APBB2: variants seen among roughly 807,000 people sequenced by gnomAD.
APBB2 encodes the protein Fe65-like 1.
Under a neutral mutation model 82.5 loss-of-function variants are expected in APBB2, and 38 were observed. That is an observed-to-expected ratio of 0.46 (90% CI 0.36 to 0.60). The LOEUF (loss-of-function observed/expected upper bound fraction) is 0.60. APBB2 is among the 20% of genes least tolerant of loss of function. The pLI is 0.00. For missense variants in APBB2, 772 were observed against 972.3 expected (o/e 0.79, Z 2.74); for synonymous variants, 341 against 368.2 (o/e 0.93, Z 0.85).
intron 3 of APBB2, among the ~76,000 whole-genome samples, chr4:41,087,844 A>G (rs1406805887): frequency 2.0e-5 from 3 of 152,200 alleles, no homozygotes; most frequent in Non-Finnish European, 2.9e-5. Context: ...ATCATCAGAA[A>G]ACAATTCTGC....
intron 3 of APBB2, among the ~76,000 whole-genome samples, chr4:41,077,008 AT>A (rs35092142): frequency 0.99 from 142,955 of 144,856 alleles, 70,537 homozygotes; most frequent in Middle Eastern, 1. Context: ...AAAAATCAGG[AT>A]TTTTTTTTTT....
At position 40,982,277 on chromosome 4, in the gene APBB2, AGAAAGAAG is replaced by A. The variant is rs1217066505; in HGVS notation, c.835+31298_835+31305del. Among the ~76,000 whole-genome samples, 35 of 25,710 alleles carry A rather than the reference AGAAAGAAG, an allele frequency of 1.4e-3. 2 individuals carry two copies. The highest frequency in any genetic ancestry group is 1.7e-3 in the Non-Finnish European group (22 of 12,736). The allele number at this position is 25,710 out of a possible 152,430, so 16.9% of individuals were successfully genotyped here. ...AAGAAAGAAAGAAAGAAAGAAAGAAAGAAAGAAGGAAGGAAGGAAGGAAGGAAGGAAAG... is the reference window on the plus strand; with the variant it reads ...AAGAAAGAAAGAAAGAAAGAAAGAAAGAAGGAAGGAAGGAAGGAAGGAAAG... On this transcript the variant is annotated intron_variant, in intron 6 of 17. Transcript: ENST00000508593.
At chr4:40,834,055 C>T (rs1752992590) in intron 12 of APBB2, among the ~76,000 whole-genome samples, 1 of 152,168 alleles carries the variant, frequency 6.6e-6, no homozygotes, top group South Asian at 2.1e-4. Flanking sequence ...ATCTGGAACC[C>T]ACAGCTTCCC....
chr4:40,965,536 C>A (rs1442881092), intron 6 of APBB2, among the ~76,000 whole-genome samples: 2 of 151,974 alleles, frequency 1.3e-5, no homozygotes, highest in African/African-American at 2.4e-5. Context: ...ATAAAACGCA[C>A]ATGAATTTGG....
Position 40,994,643 on chromosome 4 carries a change from T to C in APBB2, c.835+18940A>G, listed in dbSNP as rs186294027. On this transcript the variant is annotated intron_variant, in intron 6 of 17. Coordinates refer to ENST00000508593, the MANE Select transcript of APBB2 (RefSeq NM_004307.2). Reference sequence around the variant, plus strand: ...TCCTGGCTAACATGGTGAAACCCCATCTCTACTAAAAATACAAAATATTAG... The same window carrying C: ...TCCTGGCTAACATGGTGAAACCCCACCTCTACTAAAAATACAAAATATTAG... Among the ~76,000 whole-genome samples, 356 of 151,808 alleles carry C rather than the reference T, an allele frequency of 2.3e-3. 2 individuals are homozygous for C. The highest frequency in any genetic ancestry group is 4.0e-3 in the Non-Finnish European group (272 of 67,942).
intron 1 of APBB2, among the ~76,000 whole-genome samples, chr4:41,143,479 G>A (rs1209433399): frequency 6.6e-6 from 1 of 152,238 alleles, no homozygotes; most frequent in Non-Finnish European, 1.5e-5. Context: ...AAAACCACAG[G>A]AATGTTCTGG....
chr4:41,021,772 C>A (rs183249297), intron 5 of APBB2, among the ~76,000 whole-genome samples: 1 of 152,168 alleles, frequency 6.6e-6, no homozygotes, highest in African/African-American at 2.4e-5. Flanking sequence ...TCACTCTTCA[C>A]AATAAATCTT....
intron 2 of APBB2, among the ~76,000 whole-genome samples, chr4:41,117,458 A>G (rs1751420952): frequency 6.6e-6 from 1 of 151,774 alleles, no homozygotes; most frequent in Admixed American, 6.6e-5. Context: ...ACGCCCAGCT[A>G]ATTTTTGTAT....
chr4:41,092,708 A>G (rs1742193488), intron 3 of APBB2, among the ~76,000 whole-genome samples: 2 of 149,268 alleles, frequency 1.3e-5, no homozygotes, highest in African/African-American at 5.0e-5. Flanking sequence ...AAAAAAAAGT[A>G]CTTGGTCTGA....
intron 1 of APBB2, among the ~76,000 whole-genome samples, chr4:41,158,968 T>A (rs758344715): frequency 2.6e-5 from 4 of 152,128 alleles, no homozygotes; most frequent in African/African-American, 4.8e-5. Context: ...GGCTCAGGAA[T>A]CCCGGACACA....
intron 13 of APBB2, 79 bp downstream of exon 13, chr4:40,830,384 A>C: frequency 3.1e-6 from 3 of 958,166 alleles, no homozygotes; most frequent in Non-Finnish European, 3.4e-6. Context: ...TGATGTGCCC[A>C]CTCCCCCGCC....
At chr4:41,002,645 C>G (rs1805556491) in intron 6 of APBB2, among the ~76,000 whole-genome samples, 1 of 152,220 alleles carries the variant, frequency 6.6e-6, no homozygotes, top group Non-Finnish European at 1.5e-5. Context: ...GGCATTTGAG[C>G]TCAGCATTGT....
rs941799131 is a variant in APBB2 at position 41,207,161 on chromosome 4, T to C, written c.-417+7244A>G. 4.9e-5 allele frequency among the ~76,000 whole-genome samples: 6 copies of C among 122,148 alleles called. 1 individual carries two copies. Among genetic ancestry groups the C allele is most frequent in the Non-Finnish European group, 7.9e-5 (5 of 63,668 alleles). The allele number at this position is 122,148 out of a possible 152,430, so 80.1% of individuals were successfully genotyped here. ...TTGCAGTGAGCCGAGATTAAGCCAC[T>C]GCATTCCAGCCTGGGCGACCAAGTG... is the stretch of plus-strand genomic sequence containing the variant. On this transcript the variant is annotated intron_variant, in intron 1 of 17. Coordinates refer to ENST00000508593, the MANE Select transcript of APBB2 (RefSeq NM_004307.2).
intron 6 of APBB2, among the ~76,000 whole-genome samples, chr4:41,008,253 A>T (rs951643010): frequency 6.6e-6 from 1 of 152,168 alleles, no homozygotes; most frequent in Non-Finnish European, 1.5e-5. Flanking sequence ...CACATTGTAA[A>T]CCCACAGAAT....
chr4:40,961,436 T>A (rs980871035), intron 6 of APBB2, among the ~76,000 whole-genome samples: 1 of 130,912 alleles, frequency 7.6e-6, no homozygotes, highest in Non-Finnish European at 1.5e-5. Flanking sequence ...TAGGTGGGAA[T>A]TGAACAATGA....
At chr4:40,827,359 ATCTCT>A in intron 13 of APBB2, 140 bp from the exon 14 acceptor site, 1 of 639,428 alleles carries the variant, frequency 1.6e-6, no homozygotes. Flanking sequence ...CCACCCCTGC[ATCTCT>A]GGGGCTACAT....
At chr4:40,935,571 A>AATGCCC (rs1174674313) in intron 7 of APBB2, 1 of 155,830 alleles carries the variant, frequency 6.4e-6, no homozygotes, top group Non-Finnish European at 1.4e-5. Context: ...GAAACTAGGG[A>AATGCCC]ATGCCCATGG....
intron 1 of APBB2, among the ~76,000 whole-genome samples, chr4:41,212,560 G>A (rs1440956116): frequency 6.6e-6 from 1 of 152,152 alleles, no homozygotes; most frequent in African/African-American, 2.4e-5. Context: ...CATTAGAAGA[G>A]GGAATAAAAG....
chr4:41,157,564 A>G (rs1308582560), intron 1 of APBB2, among the ~76,000 whole-genome samples: 1 of 152,222 alleles, frequency 6.6e-6, no homozygotes, highest in Non-Finnish European at 1.5e-5. Flanking sequence ...CACCAAGCCA[A>G]CAGCACACAC....
Sources: allele counts gnomAD v4.1 joint callset (sites outside exome capture counted in the v4.1 genomes callset), GRCh38; gene constraint gnomAD v4.1.1; transcripts MANE v1.5; gene names NCBI Gene and HGNC (gene_info 2026-07-23, HGNC 2026-07-21).